The following PCP4 variants were observed in gnomAD, a reference collection of about 807,000 sequenced individuals.
PCP4 encodes calmodulin regulator protein PCP4.
A neutral mutation model predicts 10.0 loss-of-function variants in PCP4; 8 were observed. The observed-to-expected ratio is 0.80, with a 90% CI of 0.47 to 1.45. The LOEUF is 1.45. Among genes scored for constraint, PCP4 ranks in the 40% most tolerant of loss-of-function variants. The pLI is 0.00. For missense variants in PCP4, 54 were observed against 74.4 expected (o/e 0.73, Z 1.01); for synonymous variants, 21 against 23.0 (o/e 0.91, Z 0.24).
chr21:39,867,478 C>A lies in PCP4; in HGVS notation c.-24C>A. ...GTGTTCTCTGTGCTGAGCGGCGGGA[C>A]TGAGCTGTTGAGTTAGAGCCAACAT... On this transcript the variant is annotated 5_prime_UTR_variant, in exon 1 of 3. The change creates a new upstream start codon in the 5' untranslated region. Coordinates refer to ENST00000328619, the MANE Select transcript of PCP4 (RefSeq NM_006198.3). 1 of 1,613,994 alleles carries A rather than the reference C, an allele frequency of 6.2e-7. No homozygotes were observed. Among genetic ancestry groups the A allele is most frequent in the Non-Finnish European group, 8.5e-7 (1 of 1,179,892 alleles).
chr21:39,881,991 G>A (rs749412608), intron 1 of PCP4, among the ~76,000 whole-genome samples: 5 of 152,184 alleles, frequency 3.3e-5, no homozygotes, highest in South Asian at 2.1e-4. Flanking sequence ...CCATCCAGTC[G>A]GGATAAAGGC....
chr21:39,903,561 GAGTACTTA>G (rs1301232679), intron 2 of PCP4, among the ~76,000 whole-genome samples: 2 of 152,168 alleles, frequency 1.3e-5, no homozygotes, highest in African/African-American at 2.4e-5. Context: ...GATATTCTAG[GAGTACTTA>G]AGACTTAGTT....
At chr21:39,868,986 G>T (rs1355353903) in intron 1 of PCP4, among the ~76,000 whole-genome samples, 1 of 152,188 alleles carries the variant, frequency 6.6e-6, no homozygotes, top group Non-Finnish European at 1.5e-5. Context: ...CACATGCTAG[G>T]AGGAGGGGCT....
intron 2 of PCP4, among the ~76,000 whole-genome samples, chr21:39,909,994 C>T (rs1039367490): frequency 4.6e-5 from 7 of 152,146 alleles, no homozygotes; most frequent in African/African-American, 1.4e-4. Flanking sequence ...TGGGGTTTCT[C>T]CATGTTGTTC....
chr21:39,927,245 T>C (rs1034395027), intron 2 of PCP4, among the ~76,000 whole-genome samples: 2 of 152,160 alleles, frequency 1.3e-5, no homozygotes, highest in Admixed American at 1.3e-4. Flanking sequence ...TGTATTTGTC[T>C]ATCATCTACT....
intron 1 of PCP4, among the ~76,000 whole-genome samples, chr21:39,893,020 G>A (rs889523382): frequency 2.0e-5 from 3 of 152,152 alleles, no homozygotes; most frequent in Non-Finnish European, 2.9e-5. Context: ...GAGGGTAGAA[G>A]GATGGTTACC....
At chr21:39,903,912 G>A (rs2087494461) in intron 2 of PCP4, among the ~76,000 whole-genome samples, 1 of 143,924 alleles carries the variant, frequency 6.9e-6, no homozygotes, top group South Asian at 2.3e-4. Flanking sequence ...AGTTTGATTT[G>A]ATATGATTAT....
At chr21:39,919,757 T>A (rs9808678) in intron 2 of PCP4, among the ~76,000 whole-genome samples, 81,231 of 150,232 alleles carry the variant, frequency 0.54, 22,048 homozygotes, top group South Asian at 0.65. Context: ...TGGTGTGTAA[T>A]GTGTATTTGT....
intron 2 of PCP4, among the ~76,000 whole-genome samples, chr21:39,917,516 C>T (rs555249623): frequency 7.9e-5 from 12 of 152,230 alleles, no homozygotes; most frequent in East Asian, 1.9e-4. Context: ...GCCAGGCTGC[C>T]GGCTGCCGTC....
chr21:39,898,045 C>CA (rs780273912), intron 1 of PCP4, among the ~76,000 whole-genome samples: 12,596 of 73,766 alleles, frequency 0.17, 1,218 homozygotes, highest in East Asian at 0.23. Flanking sequence ...GACTCAGTCT[C>CA]AAAAAAAAAA....
rs769109934 is a variant in PCP4 at position 39,929,051 on chromosome 21, G to T, written c.129G>T (p.Ala43=). The change falls in exon 3 of 3, where the codon GCG becomes GCT. Residue 43 remains alanine (A), a synonymous_variant. Coordinates refer to ENST00000328619, the MANE Select transcript of PCP4 (RefSeq NM_006198.3). ...DMDAPETERA[A]VAIQSQFRKF... ...ATGCACCAGAGACAGAACGTGCAGC[G>T]GTGGCCATTCAGTCTCAGTTCAGAA... 1.5e-5 allele frequency: 25 copies of T among 1,613,496 alleles called. No homozygotes were observed. Among genetic ancestry groups the T allele is most frequent in the Non-Finnish European group, 2.0e-5 (24 of 1,179,674 alleles).
intron 2 of PCP4, among the ~76,000 whole-genome samples, chr21:39,918,927 T>C (rs1011747438): frequency 7.2e-5 from 11 of 152,226 alleles, no homozygotes; most frequent in Non-Finnish European, 1.3e-4. Flanking sequence ...TTTTTTTAAA[T>C]TGGCATTTCA....
chr21:39,877,342 C>T (rs940381574), intron 1 of PCP4, among the ~76,000 whole-genome samples: 2 of 152,096 alleles, frequency 1.3e-5, no homozygotes, highest in Non-Finnish European at 2.9e-5. Flanking sequence ...CCCATCCCGT[C>T]ACACACAGAG....
chr21:39,914,402 C>T (rs1232670534), intron 2 of PCP4, among the ~76,000 whole-genome samples: 1 of 151,696 alleles, frequency 6.6e-6, no homozygotes, highest in African/African-American at 2.4e-5. Flanking sequence ...GGTGGAACAC[C>T]ATCTCTACTA....
intron 2 of PCP4, among the ~76,000 whole-genome samples, chr21:39,905,275 A>T (rs2146341106): frequency 6.6e-6 from 1 of 152,252 alleles, no homozygotes; most frequent in East Asian, 1.9e-4. Context: ...TCAAAACAAA[A>T]GTGACTGATG....
intron 2 of PCP4, among the ~76,000 whole-genome samples, chr21:39,899,339 A>G (rs3827210): frequency 0.32 from 48,799 of 151,950 alleles, 7,995 homozygotes; most frequent in Admixed American, 0.38. Context: ...CTCAAGATGA[A>G]CTCTCCTTTT....
At chr21:39,880,773 A>C (rs891164547) in intron 1 of PCP4, among the ~76,000 whole-genome samples, 7 of 152,230 alleles carry the variant, frequency 4.6e-5, no homozygotes, top group Non-Finnish European at 1.0e-4. Flanking sequence ...GGTCTACCTT[A>C]GTAATTCCGG....
intron 2 of PCP4, among the ~76,000 whole-genome samples, chr21:39,899,341 T>A (rs756165029): frequency 4.6e-5 from 7 of 152,182 alleles, no homozygotes; most frequent in Non-Finnish European, 1.5e-5. Flanking sequence ...CAAGATGAAC[T>A]CTCCTTTTAT....
At chr21:39,922,041 A>G (rs924682602) in intron 2 of PCP4, among the ~76,000 whole-genome samples, 1 of 152,178 alleles carries the variant, frequency 6.6e-6, no homozygotes, top group Non-Finnish European at 1.5e-5. Flanking sequence ...AAATAGAGAC[A>G]GGATCTCACT....
Sources: allele counts gnomAD v4.1 joint callset (sites outside exome capture counted in the v4.1 genomes callset), GRCh38; gene constraint gnomAD v4.1.1; transcripts MANE v1.5; gene names NCBI Gene and HGNC (gene_info 2026-07-23, HGNC 2026-07-21).